ACOT7: variants seen among roughly 807,000 people sequenced by gnomAD.
The protein encoded by ACOT7 is acyl-CoA thioesterase 7.
A neutral mutation model predicts 40.2 loss-of-function variants in ACOT7; 12 were observed. That is an observed-to-expected ratio of 0.30 (90% CI 0.19 to 0.48). ACOT7 has a LOEUF of 0.48. ACOT7 is among the 20% of genes least tolerant of loss of function. The pLI is 0.99. For synonymous variants in ACOT7, 228 were observed against 219.5 expected, an observed-to-expected ratio of 1.04 and a Z score of -0.34; for missense variants, 395 against 530.8, an observed-to-expected ratio of 0.74 and a Z score of 2.51.
At position 6,387,115 on chromosome 1, in the gene ACOT7, G is replaced by A. The variant is rs989296469; in HGVS notation, c.143+6142C>T. Among the ~76,000 whole-genome samples the A allele has an allele frequency of 1.9e-4, 29 of 152,024 alleles. 1 individual carries two copies. The highest frequency in any genetic ancestry group is 6.8e-4 in the African/African-American group (28 of 41,360). ...GCACTGAGCTCGATCCGGTTCCATC[G>A]ACACGAAATTCTAGAAGAGGCACAG... On this transcript the variant is annotated intron_variant, in intron 1 of 8. Coordinates refer to ENST00000361521, the MANE Select transcript of ACOT7 (RefSeq NM_007274.4).
chr1:6,371,474 T>C (rs928391783), intron 1 of ACOT7, among the ~76,000 whole-genome samples: 3 of 151,836 alleles, frequency 2.0e-5, no homozygotes, highest in African/African-American at 4.8e-5. Context: ...GCGATTCTCC[T>C]GCCTCAGCCT....
intron 2 of ACOT7, among the ~76,000 whole-genome samples, chr1:6,339,889 G>C (rs920904300): frequency 6.8e-6 from 1 of 147,670 alleles, no homozygotes; most frequent in East Asian, 2.0e-4. Context: ...ACAGGCGCCC[G>C]CTGGGACTAC....
intron 7 of ACOT7, among the ~76,000 whole-genome samples, chr1:6,285,142 A>G (rs1639466652): frequency 6.6e-6 from 1 of 152,112 alleles, no homozygotes; most frequent in African/African-American, 2.4e-5. Context: ...TATCCAGTTG[A>G]CAGGCTGGAC....
intron 1 of ACOT7, among the ~76,000 whole-genome samples, chr1:6,373,397 A>G (rs1473150564): frequency 7.2e-5 from 11 of 152,118 alleles, no homozygotes; most frequent in African/African-American, 2.7e-4. Flanking sequence ...ACTACGGCAC[A>G]TGCCACCACA....
At chr1:6,342,034 C>T (rs896611816) in intron 2 of ACOT7, among the ~76,000 whole-genome samples, 3 of 152,154 alleles carry the variant, frequency 2.0e-5, no homozygotes, top group South Asian at 4.1e-4. Context: ...GGTCTTAGTT[C>T]GTTGGGCTGC....
At chr1:6,356,689 C>A (rs189667188) in intron 1 of ACOT7, among the ~76,000 whole-genome samples, 1 of 151,592 alleles carries the variant, frequency 6.6e-6, no homozygotes, top group Non-Finnish European at 1.5e-5. Flanking sequence ...GAGGCCGAGG[C>A]GGGCGGATCA....
intron 7 of ACOT7, among the ~76,000 whole-genome samples, chr1:6,286,578 C>G (rs1417008681): frequency 1.3e-5 from 2 of 152,172 alleles, no homozygotes; most frequent in Non-Finnish European, 2.9e-5. Flanking sequence ...TGAGCAGGGA[C>G]AAGCCAGGAG....
chr1:6,269,228 C>T (rs1472969795), intron 8 of ACOT7, among the ~76,000 whole-genome samples: 4 of 152,190 alleles, frequency 2.6e-5, no homozygotes, highest in Non-Finnish European at 5.9e-5. Flanking sequence ...CCCTCCAGGT[C>T]GTCCTATGCC....
chr1:6,386,622 G>A (rs936086956), intron 1 of ACOT7, among the ~76,000 whole-genome samples: 1 of 152,126 alleles, frequency 6.6e-6, no homozygotes, highest in Admixed American at 6.5e-5. Context: ...TTGGGAGGCC[G>A]AGGTGGGAAG....
At chr1:6,349,593 C>G (rs58484986) in intron 2 of ACOT7, among the ~76,000 whole-genome samples, 156 bp downstream of exon 2, 11,893 of 152,180 alleles carry the variant, frequency 0.078, 1,078 homozygotes, top group African/African-American at 0.22. Context: ...TCTGAGGGTC[C>G]GGTGCAGAAA....
Position 6,289,066 on chromosome 1 carries a change from T to C in ACOT7, c.829+5798A>G, listed in dbSNP as rs1182508989. Among the ~76,000 whole-genome samples the C allele has an allele frequency of 1.3e-5, 2 of 152,194 alleles. No individual in the cohort carries two copies. Among genetic ancestry groups the C allele is most frequent in the Non-Finnish European group, 2.9e-5 (2 of 68,030 alleles). On this transcript the variant is annotated intron_variant, in intron 7 of 8. Transcript: ENST00000361521. The surrounding 1 kb of genome is among the most constrained non-coding windows in gnomAD (Gnocchi z 4.6). ...GAGAAGCCACCCCACAGGTCTGGCGTCTCCATTCCGCATTCCCACTGTTTT... is the reference window on the plus strand; with the variant it reads ...GAGAAGCCACCCCACAGGTCTGGCGCCTCCATTCCGCATTCCCACTGTTTT...
intron 8 of ACOT7, 150 bp downstream of exon 8, chr1:6,280,952 G>C: frequency 3.6e-6 from 4 of 1,102,412 alleles, no homozygotes; most frequent in East Asian, 2.6e-5. Flanking sequence ...CGAGGTCACC[G>C]GTCACGGCAG....
intron 6 of ACOT7, among the ~76,000 whole-genome samples, chr1:6,314,981 A>C (rs1640445061): frequency 6.6e-6 from 1 of 152,028 alleles, no homozygotes; most frequent in African/African-American, 2.4e-5. Flanking sequence ...CCTCGGGCTC[A>C]CTCCCCAGAT....
At chr1:6,360,248 G>A (rs1641857476) in intron 1 of ACOT7, among the ~76,000 whole-genome samples, 1 of 152,262 alleles carries the variant, frequency 6.6e-6, no homozygotes, top group South Asian at 2.1e-4. Flanking sequence ...GGATTCTAAA[G>A]GGATCCCACC....
At chr1:6,318,400 G>A (rs1044704826) in intron 6 of ACOT7, 92 bp downstream of exon 6, 1 of 1,366,230 alleles carries the variant, frequency 7.3e-7, no homozygotes, top group East Asian at 2.4e-5. Flanking sequence ...AAACACAAGA[G>A]CCTCAAGTGT....
intron 6 of ACOT7, among the ~76,000 whole-genome samples, chr1:6,314,944 C>T (rs1282188604): frequency 1.3e-5 from 2 of 152,162 alleles, no homozygotes; most frequent in African/African-American, 4.8e-5. Context: ...CAACCCTCCT[C>T]CCGCACGGGA....
intron 7 of ACOT7, among the ~76,000 whole-genome samples, chr1:6,290,680 C>T (rs980420556): frequency 6.6e-6 from 1 of 152,246 alleles, no homozygotes; most frequent in African/African-American, 2.4e-5. Context: ...TACAAAACCG[C>T]TGCCTTCTGG....
chr1:6,305,496 C>G (rs1200599393), intron 6 of ACOT7, among the ~76,000 whole-genome samples: 1 of 150,048 alleles, frequency 6.7e-6, no homozygotes, highest in Non-Finnish European at 1.5e-5. Context: ...GGCGGAGGGG[C>G]TTCTCACTTC....
At chr1:6,323,737 A>AAAAAAATATAT (rs1553158667) in intron 5 of ACOT7, among the ~76,000 whole-genome samples, 1 of 38,418 alleles carries the variant, frequency 2.6e-5, no homozygotes, top group Admixed American at 4.8e-4. Context: ...AAAAAAAAAA[A>AAAAAAATATAT]ATATATATAT....
Sources: allele counts gnomAD v4.1 joint callset (sites outside exome capture counted in the v4.1 genomes callset), GRCh38; gene constraint gnomAD v4.1.1; non-coding constraint Gnocchi (gnomAD v3.1); transcripts MANE v1.5; gene names NCBI Gene and HGNC (gene_info 2026-07-23, HGNC 2026-07-21).